The following LIMS1 variants were observed in gnomAD, a reference collection of about 807,000 sequenced individuals.
LIMS1 encodes LIM zinc finger domain containing 1.
LIMS1 carries 18 observed loss-of-function variants against 44.1 expected under a neutral mutation model. The ratio of observed to expected loss-of-function variants is 0.41; its 90% confidence interval spans 0.28 to 0.61. The LOEUF (loss-of-function observed/expected upper bound fraction) is 0.61, where lower values mean the gene tolerates loss of function less well. LIMS1 is among the 20% of genes least tolerant of loss of function. The pLI is 0.32. For synonymous variants in LIMS1, 93 were observed against 149.1 expected (o/e 0.62, Z 2.74); for missense variants, 201 against 422.0 (o/e 0.48, Z 4.59).
In LIMS1 at chr2:108,670,949, T is replaced by C. The variant is rs575234946; in HGVS notation, c.259+102T>C. On this transcript the variant is annotated intron_variant, in intron 3 of 9. Transcript: ENST00000544547. The stretch of plus-strand genomic sequence containing the variant: ...ACTTTGGGAGGCGGAGGGAGGAGGA[T>C]CACCTGAGGTCAGGAATTCGAGACC... The C allele has an allele frequency of 8.5e-3, 8,764 of 1,026,616 alleles. 517 individuals carry two copies. The African/African-American group carries it at 0.13, about 15-fold the overall frequency. 63.6% of individuals were successfully genotyped at this position (1,026,616 alleles called of 1,614,324 possible). A position where few individuals can be genotyped will look rare whatever the true frequency, so the allele number is the denominator to read the frequency against.
chr2:108,592,484 A>G (rs1686456357), intron 1 of LIMS1, among the ~76,000 whole-genome samples: 1 of 152,164 alleles, frequency 6.6e-6, no homozygotes, highest in Non-Finnish European at 1.5e-5. Flanking sequence ...GGGTGTGTGG[A>G]GAACAGGCAG....
chr2:108,565,196 C>T (rs1257980689), intron 1 of LIMS1, among the ~76,000 whole-genome samples: 24 of 152,112 alleles, frequency 1.6e-4, no homozygotes, highest in Admixed American at 1.6e-3. Flanking sequence ...CTTCGTTCCA[C>T]AGAGTTTTTT....
At chr2:108,630,806 G>A (rs1378738372) in intron 1 of LIMS1, among the ~76,000 whole-genome samples, 2 of 152,200 alleles carry the variant, frequency 1.3e-5, no homozygotes, top group Non-Finnish European at 2.9e-5. Context: ...TGGAGGTTGA[G>A]TGGGACGAGG....
At chr2:108,613,122 G>T (rs572636592) in intron 1 of LIMS1, among the ~76,000 whole-genome samples, 67 of 152,270 alleles carry the variant, frequency 4.4e-4, no homozygotes, top group African/African-American at 1.6e-3. Context: ...CACAATACAT[G>T]CCTCATAGGG....
At chr2:108,613,005 G>A (rs1299025969) in intron 1 of LIMS1, among the ~76,000 whole-genome samples, 1 of 151,946 alleles carries the variant, frequency 6.6e-6, no homozygotes, top group Non-Finnish European at 1.5e-5. Context: ...GAATCTTTGA[G>A]TCAAATCAAC....
At chr2:108,662,490 T>C (rs1691448596) in intron 2 of LIMS1, 37 of 1,355,658 alleles carry the variant, frequency 2.7e-5, no homozygotes, top group Non-Finnish European at 3.6e-5. Context: ...AGGCTATTCA[T>C]GGGCTGTTGC....
intron 1 of LIMS1, among the ~76,000 whole-genome samples, chr2:108,536,740 C>G (rs1684155328): frequency 6.6e-6 from 1 of 152,102 alleles, no homozygotes; most frequent in Non-Finnish European, 1.5e-5. Flanking sequence ...GCCACCATGC[C>G]TGGATAATTT....
intron 1 of LIMS1, among the ~76,000 whole-genome samples, chr2:108,573,664 G>C (rs1685566854): frequency 6.6e-6 from 1 of 152,204 alleles, no homozygotes; most frequent in Non-Finnish European, 1.5e-5. Flanking sequence ...AGAACTCTCT[G>C]TCTTCATGGT....
chr2:108,618,981 G>T (rs1688085655), intron 1 of LIMS1, among the ~76,000 whole-genome samples: 1 of 151,228 alleles, frequency 6.6e-6, no homozygotes, highest in Non-Finnish European at 1.5e-5. Flanking sequence ...CAGAGGGCAA[G>T]AATTGTTTCA....
At chr2:108,535,718 C>T (rs564131337) in intron 1 of LIMS1, among the ~76,000 whole-genome samples, 2 of 152,246 alleles carry the variant, frequency 1.3e-5, no homozygotes, top group East Asian at 3.9e-4. Context: ...TTCTCATTTT[C>T]GGTTGAAAGC....
chr2:108,630,851 C>T (rs1040660276), intron 1 of LIMS1, among the ~76,000 whole-genome samples: 1 of 152,122 alleles, frequency 6.6e-6, no homozygotes, highest in Non-Finnish European at 1.5e-5. Flanking sequence ...TTAATCTAGG[C>T]TGTCGTTCTA....
At chr2:108,618,410 C>T (rs1262381642) in intron 1 of LIMS1, among the ~76,000 whole-genome samples, 2 of 152,140 alleles carry the variant, frequency 1.3e-5, no homozygotes, top group African/African-American at 2.4e-5. Flanking sequence ...TTTGTCATGG[C>T]CCTGCTGTGT....
intron 1 of LIMS1, among the ~76,000 whole-genome samples, chr2:108,540,522 G>A (rs1422805520): frequency 6.6e-6 from 1 of 152,042 alleles, no homozygotes; most frequent in Non-Finnish European, 1.5e-5. Flanking sequence ...TCTTTTAAAG[G>A]GTTTGTGGAA....
chr2:108,601,011 G>T (rs1343677405), intron 1 of LIMS1, among the ~76,000 whole-genome samples: 1 of 151,792 alleles, frequency 6.6e-6, no homozygotes, highest in Non-Finnish European at 1.5e-5. Context: ...TCTGCTCACT[G>T]CAACTTCTGC....
intron 1 of LIMS1, among the ~76,000 whole-genome samples, chr2:108,577,721 GAAA>G (rs1364173057): frequency 6.6e-6 from 1 of 152,060 alleles, no homozygotes; most frequent in Non-Finnish European, 1.5e-5. Flanking sequence ...AAGAGAGAGA[GAAA>G]AAAGGTGCTT....
At chr2:108,557,621 G>A (rs373553579) in intron 1 of LIMS1, among the ~76,000 whole-genome samples, 105 of 150,366 alleles carry the variant, frequency 7.0e-4, no homozygotes, top group African/African-American at 2.5e-3. Context: ...TGTTCAAGCA[G>A]TTCTCCTGCC....
intron 1 of LIMS1, among the ~76,000 whole-genome samples, chr2:108,657,509 T>C (rs1330738439): frequency 6.6e-6 from 1 of 152,298 alleles, no homozygotes; most frequent in Non-Finnish European, 1.5e-5. Context: ...CATCCAGGAA[T>C]ACCTGTGGAC....
chr2:108,635,285 G>A (rs1325288960), intron 1 of LIMS1, among the ~76,000 whole-genome samples: 1 of 151,932 alleles, frequency 6.6e-6, no homozygotes, highest in Admixed American at 6.6e-5. Flanking sequence ...AAAATTAGCT[G>A]GGTGTGGTGG....
At chr2:108,581,023 C>A (rs1685862945) in intron 1 of LIMS1, among the ~76,000 whole-genome samples, 1 of 152,188 alleles carries the variant, frequency 6.6e-6, no homozygotes, top group Admixed American at 6.5e-5. Flanking sequence ...CTGCTGAAAT[C>A]TTCTCACCGT....
Sources: gnomAD v4.1 joint callset for allele counts (sites outside exome capture counted in the v4.1 genomes callset) on GRCh38, gnomAD v4.1.1 for gene constraint, MANE v1.5 for transcripts, NCBI Gene and HGNC (gene_info 2026-07-23, HGNC 2026-07-21) for gene names.